The following DPP6 variants were observed in gnomAD, a reference collection of about 807,000 sequenced individuals.
The protein encoded by DPP6 is A-type potassium channel modulatory protein DPP6.
A neutral mutation model predicts 122.6 loss-of-function variants in DPP6; 69 were observed. The observed-to-expected ratio is 0.56, with a 90% CI of 0.46 to 0.69. DPP6 has a LOEUF of 0.69. Among genes scored for constraint, DPP6 ranks in the 30% least tolerant of loss-of-function variants. DPP6 has a pLI of 0.00. For synonymous variants in DPP6, 418 were observed against 433.1 expected (o/e 0.97, Z 0.43); for missense variants, 928 against 1,116.9 (o/e 0.83, Z 2.41).
intron 1 of DPP6, among the ~76,000 whole-genome samples, chr7:154,129,493 T>A (rs1283542851): frequency 6.6e-6 from 1 of 152,236 alleles, no homozygotes; most frequent in Admixed American, 6.5e-5. Context: ...CCAGGCACGG[T>A]GGCAAACACC....
At chr7:154,339,639 GTT>G (rs4043175) in intron 1 of DPP6, among the ~76,000 whole-genome samples, 27,815 of 151,146 alleles carry the variant, frequency 0.18, 4,977 homozygotes, top group African/African-American at 0.47. Flanking sequence ...AAACACACTA[GTT>G]TTTTTTTTTC....
At chr7:154,588,065 G>GC in intron 5 of DPP6, 1 of 1,607,020 alleles carries the variant, frequency 6.2e-7, no homozygotes, top group African/African-American at 1.3e-5. Flanking sequence ...CAGATTTCGG[G>GC]CCAGAGAGCA....
intron 8 of DPP6, among the ~76,000 whole-genome samples, chr7:154,730,390 G>A (rs1842279293): frequency 6.6e-6 from 1 of 152,156 alleles, no homozygotes; most frequent in Non-Finnish European, 1.5e-5. Context: ...ATGCTCATGT[G>A]TACATGGGAA....
rs5888575 is a variant in DPP6, at chr7:154,483,388, A to ATTTTT, written c.457+8360_457+8364dup. ...TAAAGGTAAACTGAGGCACAATACA[A>ATTTTT]TTTTTTTTTTTTTAAAAGCATTTAT... On this transcript the variant is annotated intron_variant, in intron 3 of 25. Coordinates refer to ENST00000377770, the MANE Select transcript of DPP6 (RefSeq NM_130797.4). The surrounding 1 kb of genome is among the most constrained non-coding windows in gnomAD (Gnocchi z 8.1). Among the ~76,000 whole-genome samples the ATTTTT allele has an allele frequency of 5.3e-5, 8 of 149,770 alleles. No individual in the cohort carries two copies. The South Asian group carries it at 6.3e-4, about 12-fold the overall frequency.
At chr7:154,665,920 T>C (rs1430767829) in intron 6 of DPP6, among the ~76,000 whole-genome samples, 1 of 152,034 alleles carries the variant, frequency 6.6e-6, no homozygotes, top group Non-Finnish European at 1.5e-5. Flanking sequence ...TGTCCCATTC[T>C]AGCATGCACA....
chr7:154,052,209 C>T (rs1266837235), upstream of DPP6, among the ~76,000 whole-genome samples: 1 of 151,918 alleles, frequency 6.6e-6, no homozygotes, highest in Admixed American at 6.5e-5. The surrounding 1 kb of genome is among the most constrained non-coding windows in gnomAD (Gnocchi z 4.8). Flanking sequence ...TGGTCCCAGC[C>T]CCTCCACCCT....
At chr7:154,273,105 C>G (rs1450988322) in intron 1 of DPP6, among the ~76,000 whole-genome samples, 1 of 152,188 alleles carries the variant, frequency 6.6e-6, no homozygotes, top group Non-Finnish European at 1.5e-5. Flanking sequence ...TGTGTGGACA[C>G]CATGAATACA....
chr7:154,033,697 C>T (rs1799372893), intron 1 of DPP6, among the ~76,000 whole-genome samples: 1 of 152,166 alleles, frequency 6.6e-6, no homozygotes, highest in Non-Finnish European at 1.5e-5. Flanking sequence ...GCCCATATTC[C>T]ATGGTTGATT....
chr7:153,871,175 A>G, the DPP6 span, among the ~76,000 whole-genome samples: 16 of 152,326 alleles, frequency 1.1e-4, no homozygotes, highest in South Asian at 3.3e-3. Flanking sequence ...TCTCTTTCAA[A>G]GCTGTCAGAC....
chr7:154,474,876 A>C, intron 2 of DPP6, 63 bp from the exon 3 acceptor site: 2 of 1,245,638 alleles, frequency 1.6e-6, no homozygotes, highest in Non-Finnish European at 2.3e-6. Context: ...CAGAATGTTT[A>C]TGGTCCTCTC....
At chr7:153,850,661 G>A in the DPP6 span, among the ~76,000 whole-genome samples, 2 of 152,152 alleles carry the variant, frequency 1.3e-5, no homozygotes, top group Non-Finnish European at 2.9e-5. Flanking sequence ...TCACAATCAT[G>A]GCAGAAGGTG....
chr7:154,883,801 A>T (rs1031494016), intron 21 of DPP6: 2 of 134,270 alleles, frequency 1.5e-5, no homozygotes, highest in African/African-American at 5.7e-5. Flanking sequence ...ACACCGACTC[A>T]CGCACACATG....
chr7:154,221,891 T>TA (rs1328672430), intron 1 of DPP6, among the ~76,000 whole-genome samples: 4 of 152,162 alleles, frequency 2.6e-5, no homozygotes, highest in Admixed American at 2.0e-4. Flanking sequence ...TTTTGCATTA[T>TA]AAAAAAGGCA....
At chr7:153,942,743 C>T (rs554165114) in intron 1 of DPP6, among the ~76,000 whole-genome samples, 4 of 152,276 alleles carry the variant, frequency 2.6e-5, no homozygotes, top group South Asian at 2.1e-4. Context: ...CTCACGAGGC[C>T]GCCCCACACT....
At chr7:154,304,327 T>G (rs2150984405) in intron 1 of DPP6, among the ~76,000 whole-genome samples, 1 of 152,348 alleles carries the variant, frequency 6.6e-6, no homozygotes, top group South Asian at 2.1e-4. Flanking sequence ...GACTGGCTGA[T>G]TGCACTTTCC....
At chr7:154,685,339 A>T (rs971586178) in intron 7 of DPP6, among the ~76,000 whole-genome samples, 1 of 152,202 alleles carries the variant, frequency 6.6e-6, no homozygotes, top group Non-Finnish European at 1.5e-5. Flanking sequence ...GTGGCAGATG[A>T]TTGTTTAGAA....
intron 1 of DPP6, among the ~76,000 whole-genome samples, chr7:154,011,308 C>A: frequency 6.6e-6 from 1 of 152,198 alleles, no homozygotes; most frequent in Non-Finnish European, 1.5e-5. Context: ...GCCTCACATT[C>A]CTGATGCTAA....
intron 7 of DPP6, among the ~76,000 whole-genome samples, chr7:154,699,998 A>G (rs2131260201): frequency 6.6e-6 from 1 of 152,366 alleles, no homozygotes; most frequent in Admixed American, 6.5e-5. Context: ...CACCCTAGGT[A>G]ACATAGCCCT....
intron 1 of DPP6, among the ~76,000 whole-genome samples, chr7:154,340,504 C>T (rs148540155): frequency 1.3e-5 from 2 of 152,290 alleles, no homozygotes; most frequent in East Asian, 3.9e-4. Context: ...TCCTGGCTCA[C>T]TGGCTATGGT....
Sources: gnomAD v4.1 joint callset for allele counts (sites outside exome capture counted in the v4.1 genomes callset) on GRCh38, gnomAD v4.1.1 for gene constraint, Gnocchi (gnomAD v3.1) non-coding constraint, MANE v1.5 for transcripts, NCBI Gene and HGNC (gene_info 2026-07-23, HGNC 2026-07-21) for gene names.